PLCB3: variants seen among roughly 807,000 people sequenced by gnomAD.
PLCB3 encodes the protein 1-phosphatidylinositol 4,5-bisphosphate phosphodiesterase beta-3.
Under a neutral mutation model 152.1 loss-of-function variants are expected in PLCB3, and 54 were observed. The observed-to-expected ratio is 0.36, with a 90% CI of 0.29 to 0.45. The LOEUF (loss-of-function observed/expected upper bound fraction) is 0.45, where lower values mean the gene tolerates loss of function less well. Among genes scored for constraint, PLCB3 ranks in the 20% least tolerant of loss-of-function variants. The pLI is 1.00. For synonymous variants in PLCB3, 717 were observed against 698.7 expected (o/e 1.03, Z -0.41); for missense variants, 1,248 against 1,687.5 (o/e 0.74, Z 4.56).
At chr11:64,254,519 C>A (rs1286265979) in intron 2 of PLCB3, 27 bp downstream of exon 2, 2 of 1,606,924 alleles carry the variant, frequency 1.2e-6, no homozygotes, top group African/African-American at 1.3e-5. Flanking sequence ...GTGCAGCTCG[C>A]TCAGGCCAAG....
Position 64,265,332 on chromosome 11 carries a change from T to C in PLCB3, c.2865T>C (p.Asp955=). ...ILSEVAPTPL[D]ELRGHKALVK... Reference sequence around the variant, plus strand: ...CAGAGGTGGCCCCCACCCCGCTGGATGAGCTCCGAGGTCACAAGGCTCTGG... The same window carrying C: ...CAGAGGTGGCCCCCACCCCGCTGGACGAGCTCCGAGGTCACAAGGCTCTGG... The change falls in exon 25 of 31, where the codon GAT becomes GAC. Residue 955 remains aspartate, a synonymous_variant. Coordinates refer to ENST00000279230, the MANE Select transcript of PLCB3 (RefSeq NM_000932.5). The C allele has an allele frequency of 3.3e-6, 5 of 1,496,072 alleles. No homozygotes were observed. Among genetic ancestry groups the C allele is most frequent in the Non-Finnish European group, 4.5e-6 (5 of 1,110,646 alleles). 92.7% of individuals were successfully genotyped at this position (1,496,072 alleles called of 1,614,324 possible).
At chr11:64,262,930 T>A in intron 19 of PLCB3, 122 bp downstream of exon 19, 1 of 1,002,372 alleles carries the variant, frequency 1.0e-6, no homozygotes, top group East Asian at 2.5e-5. Context: ...AAGTGGGGGG[T>A]GCCATGGGTC....
Position 64,265,048 on chromosome 11 carries a change from C to A in PLCB3, c.2750C>A (p.Pro917His), listed in dbSNP as rs758116241. ...ACCCCCAGCCCACTGGATGCCTCCC[C>A]CCGCCGGCCCCCTGGCCCCACCACC... ...NPTPSPLDAS[P>H]RRPPGPTTSP... Residue 917 changes from proline to histidine, a missense_variant, in exon 23 of 31, where the codon CCC becomes CAC. Physicochemically the swap from Pro to His is moderately conservative, Grantham distance 77 (BLOSUM62 -2). Around this residue, in one of 6 missense-constraint regions of PLCB3, gnomAD observed 477 missense variants for 489.6 expected, o/e 0.97. Transcript: ENST00000279230. 6 of 1,534,294 alleles carry A rather than the reference C, an allele frequency of 3.9e-6. No homozygotes were observed. The highest frequency in any genetic ancestry group is 2.8e-5 in the African/African-American group (2 of 72,546).
intron 1 of PLCB3, 116 bp from the exon 2 acceptor site, chr11:64,254,299 G>A: frequency 3.7e-6 from 3 of 814,346 alleles, no homozygotes; most frequent in East Asian, 2.4e-5. Context: ...GACTGGATGA[G>A]GTTTCGTCTT....
chr11:64,256,068 A>G (rs940165053), intron 8 of PLCB3, among the ~76,000 whole-genome samples: 29 of 152,230 alleles, frequency 1.9e-4, no homozygotes, highest in Non-Finnish European at 2.8e-4. Flanking sequence ...CCACTCTGCA[A>G]TGGGGTCCAA....
intron 19 of PLCB3, among the ~76,000 whole-genome samples, chr11:64,263,143 G>A (rs369257548): frequency 2.1e-3 from 316 of 152,332 alleles, no homozygotes; most frequent in African/African-American, 7.4e-3. Context: ...CACCCCGCAC[G>A]GCCCTGCATG....
At position 64,262,935 on chromosome 11, in the gene PLCB3, TG is replaced by T. The variant is rs940874817; in HGVS notation, c.2355+130del. The T allele has an allele frequency of 4.9e-5, 47 of 958,576 alleles. No individual in the cohort carries two copies. In the African/African-American group the frequency reaches 7.3e-4, roughly 15 times the overall value. 59.4% of individuals were successfully genotyped at this position (958,576 alleles called of 1,614,324 possible). ...GGGGATCAGAAAGTGGGGGGTGCCA[TG>T]GGTCCCCCAGGACCTGCCTGTCCGA... is the stretch of plus-strand genomic sequence containing the variant. On this transcript the variant is annotated intron_variant, in intron 19 of 30. Coordinates refer to ENST00000279230, the MANE Select transcript of PLCB3 (RefSeq NM_000932.5).
In PLCB3 at chr11:64,263,529, T is replaced by C. The variant is rs2031958062; in HGVS notation, c.2387T>C (p.Ile796Thr). ...VVLPTLASLR[I>T]AAFEEGGKFV... The stretch of plus-strand genomic sequence containing the variant: ...CTGCCCACGCTGGCTTCACTTCGCA[T>C]TGCAGCCTTTGAGGAGGGGGGTAAA... Residue 796 changes from isoleucine to threonine, a missense_variant, in exon 20 of 31, where the codon ATT (isoleucine) becomes ACT (threonine). This residue lies in a region of PLCB3 where 244 missense variants were observed against 424.4 expected (regional missense o/e 0.57). Transcript: ENST00000279230. 6.3e-7 allele frequency: 1 copy of C among 1,579,728 alleles called. No homozygotes were observed. Among genetic ancestry groups the C allele is most frequent in the Non-Finnish European group, 8.6e-7 (1 of 1,163,102 alleles).
chr11:64,269,189 ACTC>A (rs1252253995), downstream of PLCB3: 4 of 151,166 alleles, frequency 2.6e-5, no homozygotes, highest in African/African-American at 4.9e-5. Flanking sequence ...CCATGGGTCC[ACTC>A]CTCCTTGCGC....
At chr11:64,263,644 G>GATGAAAA (rs1162055368) in intron 20 of PLCB3, 47 bp downstream of exon 20, 1 of 1,603,800 alleles carries the variant, frequency 6.2e-7, no homozygotes, top group South Asian at 1.1e-5. Flanking sequence ...AGTGGGTAGG[G>GATGAAAA]CCCCCACCTG....
Position 64,266,502 on chromosome 11 carries a change from A to G in PLCB3, c.3364A>G (p.Thr1122Ala), listed in dbSNP as rs777990791. Residue 1122 changes from threonine to alanine, a missense_variant, in exon 29 of 31, where the codon ACG (threonine) becomes GCG (alanine). Transcript: ENST00000279230. This position sits in a 1 kb window ranked among gnomAD's most constrained non-coding sequence, Gnocchi z 4.9. Reference sequence around the variant, plus strand: ...TGCGTTGCTCCCGTGCAGGGAACTGACGGAGATTAACCGTCGGCACATCAC... The same window carrying G: ...TGCGTTGCTCCCGTGCAGGGAACTGGCGGAGATTAACCGTCGGCACATCAC... ...RDKHKKEAELTEINRRHITES... is the reference protein window; with the variant it reads ...RDKHKKEAELAEINRRHITES... 45 of 1,613,800 alleles carry G rather than the reference A, an allele frequency of 2.8e-5. No homozygotes were observed. The highest frequency in any genetic ancestry group is 2.5e-4 in the South Asian group (23 of 91,066).
At chr11:64,265,159 C>A (rs748355802) in intron 23 of PLCB3, 33 bp from the exon 24 acceptor site, 1 of 1,573,686 alleles carries the variant, frequency 6.4e-7, no homozygotes, top group Admixed American at 1.8e-5. Context: ...CCCACCCTGT[C>A]CTCCAGCTCC....
intron 17 of PLCB3, 114 bp downstream of exon 17, chr11:64,262,190 C>A: frequency 6.8e-7 from 1 of 1,463,922 alleles, no homozygotes; most frequent in Non-Finnish European, 9.5e-7. Flanking sequence ...TCCCAGATCC[C>A]AGGGGAACCC....
Position 64,262,631 on chromosome 11 carries a change from C to T in PLCB3, c.2194-16C>T, listed in dbSNP as rs1382164142. ...GACTCTCAGCATCCGCCTCACCCTC[C>T]TTGGCCCACCCCCAGGTGATCTCAG... is the stretch of plus-strand genomic sequence containing the variant. On this transcript the variant is annotated splice_polypyrimidine_tract_variant and intron_variant, in intron 18 of 30. Transcript: ENST00000279230. 1 of 1,613,590 alleles carries T rather than the reference C, an allele frequency of 6.2e-7. No individual in the cohort carries two copies. The highest frequency in any genetic ancestry group is 1.1e-5 in the South Asian group (1 of 91,086).
chr11:64,254,267 A>G, intron 1 of PLCB3, 148 bp from the exon 2 acceptor site: 1 of 695,060 alleles, frequency 1.4e-6, no homozygotes, highest in South Asian at 1.7e-5. Flanking sequence ...TGAGGGCCAC[A>G]GGCAGCCACA....
chr11:64,262,641 C>T lies in PLCB3; in HGVS notation c.2194-6C>T. 1 of 1,613,838 alleles carries T rather than the reference C, an allele frequency of 6.2e-7. No individual in the cohort carries two copies. Among genetic ancestry groups the T allele is most frequent in the South Asian group, 1.1e-5 (1 of 91,080 alleles). The stretch of plus-strand genomic sequence containing the variant: ...ATCCGCCTCACCCTCCTTGGCCCAC[C>T]CCCAGGTGATCTCAGGGCAGTTCCT... On this transcript the variant is annotated splice_region_variant and splice_polypyrimidine_tract_variant and intron_variant, in intron 18 of 30. Coordinates refer to ENST00000279230, the MANE Select transcript of PLCB3 (RefSeq NM_000932.5).
rs533215507 is a variant in PLCB3, at chr11:64,267,626, T to C, written c.*70T>C. On this transcript the variant is annotated 3_prime_UTR_variant, in exon 31 of 31. Coordinates refer to ENST00000279230, the MANE Select transcript of PLCB3 (RefSeq NM_000932.5). The surrounding 1 kb of genome is among the most constrained non-coding windows in gnomAD (Gnocchi z 5.2). ...GGAGGGCAGGAGGCAATGACACTAA[T>C]GCTTTTTTTTTTTTTTTTTAACTTT... is the stretch of plus-strand genomic sequence containing the variant. 2.4e-3 allele frequency: 2,420 copies of C among 997,244 alleles called. 5 individuals are homozygous for C. Among genetic ancestry groups the C allele is most frequent in the Non-Finnish European group, 3.2e-3 (2,245 of 698,194 alleles). The allele number at this position is 997,244 out of a possible 1,614,324, so 61.8% of individuals were successfully genotyped here.
chr11:64,265,854 C>T (rs1047770200), intron 25 of PLCB3, 32 bp from the exon 26 acceptor site: 8 of 1,606,938 alleles, frequency 5.0e-6, no homozygotes, highest in Middle Eastern at 2.2e-4. Flanking sequence ...TGTGACGGGC[C>T]CAGGCATCAC....
chr11:64,266,343 G>A lies in PLCB3; in HGVS notation c.3295G>A (p.Asp1099Asn), dbSNP rs749911369. Residue 1099 changes from aspartate (D) to asparagine (N), a missense_variant, in exon 28 of 31, where the codon GAC (aspartate) becomes AAC (asparagine). This residue lies in a region of PLCB3 where 477 missense variants were observed against 489.6 expected (regional missense o/e 0.97). Coordinates refer to ENST00000279230, the MANE Select transcript of PLCB3 (RefSeq NM_000932.5). This position sits in a 1 kb window ranked among gnomAD's most constrained non-coding sequence, Gnocchi z 4.9. ...GAAGAAGGAGCTGCAGAAGATCCTG[G>A]ACAGAAAGCGCCATAACAGCATCTC... ...REKKELQKIL[D>N]RKRHNSISEA... 1.9e-6 allele frequency: 3 copies of A among 1,613,322 alleles called. No homozygotes were observed. The highest frequency in any genetic ancestry group is 1.7e-4 in the Middle Eastern group (1 of 6,060).
Sources: gnomAD v4.1 joint callset for allele counts (sites outside exome capture counted in the v4.1 genomes callset) on GRCh38, gnomAD v4.1.1 for gene constraint, gnomAD v4.1.1 regional missense constraint, Gnocchi (gnomAD v3.1) non-coding constraint, MANE v1.5 for transcripts, NCBI Gene and HGNC (gene_info 2026-07-23, HGNC 2026-07-21) for gene names.